The following ZNF677 variants were observed in gnomAD, a reference collection of about 807,000 sequenced individuals.
The protein encoded by ZNF677 is zinc finger protein 677.
Under a neutral mutation model 8.1 loss-of-function variants are expected in ZNF677, and 5 were observed. That is an observed-to-expected ratio of 0.62 (90% confidence interval 0.32 to 1.29). The LOEUF (loss-of-function observed/expected upper bound fraction) is 1.29. Ranked by LOEUF, ZNF677 falls within the 50% of genes most tolerant of loss-of-function variation. The probability of loss-of-function intolerance (pLI) is 0.05; values close to 1 mark genes in which losing one functional copy is unlikely to be tolerated. For missense variants in ZNF677, 685 were observed against 685.9 expected (o/e 1.00, Z 0.01); for synonymous variants, 221 against 225.6 (o/e 0.98, Z 0.18).
rs745394054 is a variant in ZNF677 at position 53,237,690 on chromosome 19, G to A, written c.1037C>T (p.Pro346Leu). 1.9e-6 allele frequency: 3 copies of A among 1,613,102 alleles called. No individual in the cohort carries two copies. Among genetic ancestry groups the A allele is most frequent in the Admixed American group, 1.7e-5 (1 of 59,900 alleles). Residue 346 changes from proline to leucine, a missense_variant, in exon 5 of 5, where the codon CCT (proline) becomes CTT (leucine). By Grantham distance (98) the Pro-to-Leu change is moderately conservative. Coordinates refer to ENST00000598513, the MANE Select transcript of ZNF677 (RefSeq NM_182609.4). ...CTTACCACATTCATTACATTTGTAA[G>A]GTTTCTCTCCAGTATGCATCCTCTG... ...SHQRMHTGEK[P>L]YKCNECGKAF...
rs1372943479 is a variant in ZNF677 at position 53,251,482 on chromosome 19, A to G, written c.15+54T>C. 4 of 1,499,214 alleles carry G rather than the reference A, an allele frequency of 2.7e-6. No individual in the cohort carries two copies. The African/African-American group carries it at 4.1e-5, about 15-fold the overall frequency. The allele number at this position is 1,499,214 out of a possible 1,614,324, so 92.9% of individuals were successfully genotyped here. On this transcript the variant is annotated intron_variant, in intron 3 of 4. Coordinates refer to ENST00000598513, the MANE Select transcript of ZNF677 (RefSeq NM_182609.4). Reference sequence around the variant, plus strand: ...CAGATAAAATTAGCAAGTCCAAAATATGGCATTTCAGGAAGGAGAGGACAA... The same window carrying G: ...CAGATAAAATTAGCAAGTCCAAAATGTGGCATTTCAGGAAGGAGAGGACAA...
intron 4 of ZNF677, chr19:53,241,880 T>C (rs924478408): frequency 1.0e-5 from 4 of 398,388 alleles, no homozygotes; most frequent in Non-Finnish European, 1.8e-5. Flanking sequence ...TGGTGGGTTA[T>C]CACAGCAGAA....
At position 53,237,651 on chromosome 19, in the gene ZNF677, C is replaced by A. The variant is rs781262411; in HGVS notation, c.1076G>T (p.Arg359Leu). The change falls in exon 5 of 5, where the codon CGT becomes CTT. Residue 359 changes from arginine to leucine, a missense_variant. Transcript: ENST00000598513. Reference protein sequence around the residue: ...CNECGKAFIQRSHLWGHERIH... With the variant: ...CNECGKAFIQLSHLWGHERIH... ...TCTTTCATGACCCCAAAGGTGTGAACGCTGGATAAATGCCTTACCACATTC... is the reference window on the plus strand; with the variant it reads ...TCTTTCATGACCCCAAAGGTGTGAAAGCTGGATAAATGCCTTACCACATTC... The A allele has an allele frequency of 7.4e-6, 12 of 1,612,890 alleles. No homozygotes were observed. The African/African-American group carries it at 1.5e-4, about 20-fold the overall frequency.
At chr19:53,254,340 C>T (rs1245694663) in intron 1 of ZNF677, among the ~76,000 whole-genome samples, 1 of 152,136 alleles carries the variant, frequency 6.6e-6, no homozygotes. Flanking sequence ...CCCTTCCTCT[C>T]CTTCTCTGAC....
rs749771362 is a variant in ZNF677, at chr19:53,237,872, G to C, written c.855C>G (p.His285Gln). 1.5e-5 allele frequency: 25 copies of C among 1,613,642 alleles called. No homozygotes were observed. The highest frequency in any genetic ancestry group is 2.1e-5 in the Non-Finnish European group (25 of 1,179,998). ...TACATTTGTAAGGTCTCTGTCCAGA[G>C]TGAATTCTCTGATGATTAGTGAGGT... ...SSNLTNHQRI[H>Q]SGQRPYKCNE... Residue 285 changes from histidine to glutamine, a missense_variant, in exon 5 of 5, where the codon CAC (histidine) becomes CAG (glutamine). His to Gln is a conservative substitution (Grantham distance 24, BLOSUM62 0). Coordinates refer to ENST00000598513, the MANE Select transcript of ZNF677 (RefSeq NM_182609.4).
rs769788400 is a variant in ZNF677 at position 53,238,007 on chromosome 19, A to G, written c.720T>C (p.Tyr240=). The change falls in exon 5 of 5, where the codon TAT becomes TAC. Residue 240 remains tyrosine, a synonymous_variant. Transcript: ENST00000598513. The part of the protein sequence containing the change: ...PPCVKNICNK[Y]RKILKYPLLH... ...ATAAAGGGTATTTCAAAATCTTCCTATATTTATTACAAATGTTTTTGACAC... is the reference window on the plus strand; with the variant it reads ...ATAAAGGGTATTTCAAAATCTTCCTGTATTTATTACAAATGTTTTTGACAC... 21 of 1,613,360 alleles carry G rather than the reference A, an allele frequency of 1.3e-5. No individual in the cohort carries two copies. The highest frequency in any genetic ancestry group is 1.6e-4 in the Middle Eastern group (1 of 6,082).
At chr19:53,246,454 T>C (rs1005767765) in intron 3 of ZNF677, among the ~76,000 whole-genome samples, 2 of 151,104 alleles carry the variant, frequency 1.3e-5, no homozygotes, top group East Asian at 3.9e-4. Flanking sequence ...CATGGCTAAA[T>C]ATCCATCAAG....
At position 53,238,381 on chromosome 19, in the gene ZNF677, T is replaced by G. The variant is rs768213786; in HGVS notation, c.346A>C (p.Asn116His). ...CAGGTCAAAGGCATTCCTTTGTAAT[T>G]TTTTACATCATAGTCCCACAGGCTG... ...FDSLWDYDVK[N>H]YKGMPLTCNK... The change falls in exon 5 of 5, where the codon AAT becomes CAT. Residue 116 changes from asparagine (N) to histidine (H), a missense_variant. Asn to His is a moderately conservative substitution (Grantham distance 68). Coordinates refer to ENST00000598513, the MANE Select transcript of ZNF677 (RefSeq NM_182609.4). 1 of 1,613,698 alleles carries G rather than the reference T, an allele frequency of 6.2e-7. No individual in the cohort carries two copies. The highest frequency in any genetic ancestry group is 8.5e-7 in the Non-Finnish European group (1 of 1,179,856).
At chr19:53,249,868 T>A (rs372083705) in intron 3 of ZNF677, among the ~76,000 whole-genome samples, 6 of 152,274 alleles carry the variant, frequency 3.9e-5, no homozygotes, top group East Asian at 1.9e-4. Flanking sequence ...TATTATTTTT[T>A]AATTATTATT....
intron 2 of ZNF677, 69 bp downstream of exon 2, chr19:53,253,017 T>C (rs1179398408): frequency 1.3e-5 from 2 of 152,216 alleles, no homozygotes; most frequent in Non-Finnish European, 2.9e-5. Context: ...ACTGTATTCT[T>C]ATAAAAAAGT....
intron 3 of ZNF677, among the ~76,000 whole-genome samples, chr19:53,246,084 C>A (rs2091133187): frequency 6.6e-6 from 1 of 152,004 alleles, no homozygotes; most frequent in African/African-American, 2.4e-5. Flanking sequence ...TTCAGAAGGC[C>A]AAGGCGGATG....
At chr19:53,242,352 A>T in intron 4 of ZNF677, 1 of 398,642 alleles carries the variant, frequency 2.5e-6, no homozygotes, top group Non-Finnish European at 4.4e-6. Flanking sequence ...AGAGAAATAA[A>T]AGGTACGGGA....
At position 53,238,047 on chromosome 19, in the gene ZNF677, G is replaced by A; in HGVS notation, c.680C>T (p.Ser227Leu). The A allele has an allele frequency of 1.2e-6, 2 of 1,614,004 alleles. No individual in the cohort carries two copies. Among genetic ancestry groups the A allele is most frequent in the Non-Finnish European group, 1.7e-6 (2 of 1,179,976 alleles). ...VEKSINSSSV[S>L]PLPPCVKNIC... ...GTTTTTGACACAAGGAGGAAGTGGT[G>A]AAACTGAGGAACTATTGATAGACTT... Residue 227 changes from serine (S) to leucine (L), a missense_variant, in exon 5 of 5, where the codon TCA (serine) becomes TTA (leucine). Transcript: ENST00000598513.
chr19:53,251,702 G>T, intron 2 of ZNF677, 97 bp from the exon 3 acceptor site: 2 of 801,276 alleles, frequency 2.5e-6, no homozygotes, highest in Non-Finnish European at 3.8e-6. Flanking sequence ...GAAAAAAGAT[G>T]GTCCTTAGCT....
At position 53,236,830 on chromosome 19, in the gene ZNF677, A is replaced by G; in HGVS notation, c.*142T>C. 2.8e-6 allele frequency: 2 copies of G among 717,166 alleles called. No individual in the cohort carries two copies. The highest frequency in any genetic ancestry group is 4.3e-6 in the Non-Finnish European group (2 of 470,216). 44.4% of individuals were successfully genotyped at this position (717,166 alleles called of 1,614,324 possible). The stretch of plus-strand genomic sequence containing the variant: ...ATGTTCCACAAGGCTTGAACTTTGG[A>G]TAAGCCTTGCCATACATGTTATCTT... On this transcript the variant is annotated 3_prime_UTR_variant, in exon 5 of 5. Coordinates refer to ENST00000598513, the MANE Select transcript of ZNF677 (RefSeq NM_182609.4).
rs184075423 is a variant in ZNF677 at position 53,252,072 on chromosome 19, A to G, written c.-55-467T>C. On this transcript the variant is annotated intron_variant, in intron 2 of 4. Transcript: ENST00000598513. ...AAAAGATATAACGCCAGGAGATGAC[A>G]TAATAAAACTTAAGACTTACTTCTG... 4.0e-3 allele frequency among the ~76,000 whole-genome samples: 609 copies of G among 152,352 alleles called. 4 individuals carry two copies. The highest frequency in any genetic ancestry group is 0.014 in the African/African-American group (585 of 41,588).
At chr19:53,253,269 G>C (rs1236687495) in intron 1 of ZNF677, 113 bp from the exon 2 acceptor site, 1 of 152,118 alleles carries the variant, frequency 6.6e-6, no homozygotes, top group Non-Finnish European at 1.5e-5. Context: ...TGTTGTTCAA[G>C]GTCAACTGTA....
At position 53,252,359 on chromosome 19, in the gene ZNF677, C is replaced by T. The variant is rs978131134; in HGVS notation, c.-56+727G>A. 2.0e-5 allele frequency among the ~76,000 whole-genome samples: 3 copies of T among 152,252 alleles called. No homozygotes were observed. In the East Asian group the frequency reaches 5.8e-4, roughly 30 times the overall value. On this transcript the variant is annotated intron_variant, in intron 2 of 4. Coordinates refer to ENST00000598513, the MANE Select transcript of ZNF677 (RefSeq NM_182609.4). ...CCATCATCTCCACGTTACAGGTGGG[C>T]ACACTGAGCCTCAGAGAGAGGAGAT...
rs767522263 is a variant in ZNF677, at chr19:53,243,837, C to T, written c.76G>A (p.Asp26Asn). Reference sequence around the variant, plus strand: ...CTGTACAAGGCCCTCTGGGCAGGGTCCAGGCACTCCCACTCCTCTTGAGAG... The same window carrying T: ...CTGTACAAGGCCCTCTGGGCAGGGTTCAGGCACTCCCACTCCTCTTGAGAG... ...EFSQEEWECL[D>N]PAQRALYRDV... is the part of the protein sequence containing the mutation. Residue 26 changes from aspartate (D) to asparagine (N), a missense_variant, in exon 4 of 5, where the codon GAC becomes AAC. Physicochemically the swap from Asp to Asn is conservative, Grantham distance 23. Transcript: ENST00000598513. 5.8e-5 allele frequency: 93 copies of T among 1,613,766 alleles called. No individual in the cohort carries two copies. The highest frequency in any genetic ancestry group is 7.8e-5 in the Non-Finnish European group (92 of 1,179,946).
Sources: gnomAD v4.1 joint callset for allele counts (sites outside exome capture counted in the v4.1 genomes callset) on GRCh38, gnomAD v4.1.1 for gene constraint, MANE v1.5 for transcripts, NCBI Gene and HGNC (gene_info 2026-07-23, HGNC 2026-07-21) for gene names.